The following BMP2K variants were observed in gnomAD, a reference collection of about 807,000 sequenced individuals.
The protein encoded by BMP2K is BMP2 inducible kinase, also known as BMP-2-inducible protein kinase.
Under a neutral mutation model 116.0 loss-of-function variants are expected in BMP2K, and 74 were observed. That is an observed-to-expected ratio of 0.64 (90% CI 0.53 to 0.77). BMP2K has a LOEUF of 0.77. BMP2K is among the 30% of genes least tolerant of loss of function. The probability of loss-of-function intolerance (pLI) is 0.00; values close to 1 mark genes in which losing one functional copy is unlikely to be tolerated. For missense variants in BMP2K, 1,365 were observed against 1,403.6 expected (o/e 0.97, Z 0.44); for synonymous variants, 486 against 502.5 (o/e 0.97, Z 0.44).
chr4:78,818,734 C>T (rs1484935941), intron 1 of BMP2K, among the ~76,000 whole-genome samples: 1 of 151,016 alleles, frequency 6.6e-6, no homozygotes, highest in Non-Finnish European at 1.5e-5. Flanking sequence ...TATTCATTTC[C>T]AGTCTTCTTT....
rs1324071835 is a variant in BMP2K at position 78,912,822 on chromosome 4, A to G, written c.*789A>G. ...GCCTAGAACAAAAATATGAAGAGAAATATCTGACATTTGTAAAGAAATTAT... is the reference window on the plus strand; with the variant it reads ...GCCTAGAACAAAAATATGAAGAGAAGTATCTGACATTTGTAAAGAAATTAT... On this transcript the variant is annotated 3_prime_UTR_variant, in exon 16 of 16. Coordinates refer to ENST00000502613, the MANE Select transcript of BMP2K (RefSeq NM_198892.2). 3 of 152,168 alleles carry G rather than the reference A, an allele frequency of 2.0e-5. No individual in the cohort carries two copies. The highest frequency in any genetic ancestry group is 7.2e-5 in the African/African-American group (3 of 41,450). The allele number at this position is 152,168 out of a possible 1,614,324, so 9.4% of individuals were successfully genotyped here.
At chr4:78,826,774 CT>C (rs200885121) in intron 2 of BMP2K, among the ~76,000 whole-genome samples, 5 of 149,578 alleles carry the variant, frequency 3.3e-5, no homozygotes, top group East Asian at 2.0e-4. Context: ...TGCTTTCTTT[CT>C]TTTTTTTTTC....
chr4:78,872,158 C>T (rs1317029291), intron 12 of BMP2K, among the ~76,000 whole-genome samples: 2 of 152,088 alleles, frequency 1.3e-5, no homozygotes, highest in African/African-American at 2.4e-5. Flanking sequence ...TGACCGATAA[C>T]GTACTTCTCT....
At chr4:78,838,195 G>A (rs978957340) in intron 3 of BMP2K, among the ~76,000 whole-genome samples, 9 of 152,132 alleles carry the variant, frequency 5.9e-5, no homozygotes, top group East Asian at 1.9e-4. Flanking sequence ...TAAAACCATC[G>A]GATGTCGTGA....
intron 5 of BMP2K, among the ~76,000 whole-genome samples, chr4:78,846,211 C>T (rs570983882): frequency 6.6e-6 from 1 of 151,518 alleles, no homozygotes; most frequent in African/African-American, 2.4e-5. Context: ...TCCTTTGTGG[C>T]TCAATTAATG....
rs192051053 is a variant in BMP2K at position 78,893,272 on chromosome 4, G to A, written c.2062+5988G>A. ...TCTGTTCCAGTTTGATTACGAGACT[G>A]CAACAATTCAGTCACATTTTTAGGT... On this transcript the variant is annotated intron_variant, in intron 15 of 15. Transcript: ENST00000502613. 2.6e-3 allele frequency among the ~76,000 whole-genome samples: 393 copies of A among 152,282 alleles called. 1 individual carries two copies. Among genetic ancestry groups the A allele is most frequent in the Non-Finnish European group, 4.4e-3 (302 of 68,022 alleles).
At chr4:78,862,607 G>C (rs1731850101) in intron 9 of BMP2K, among the ~76,000 whole-genome samples, 1 of 152,180 alleles carries the variant, frequency 6.6e-6, no homozygotes, top group East Asian at 1.9e-4. Flanking sequence ...ATCATGCTGA[G>C]AAATTTGGAC....
At chr4:78,796,992 T>C (rs2109946698) in intron 1 of BMP2K, among the ~76,000 whole-genome samples, 1 of 152,308 alleles carries the variant, frequency 6.6e-6, no homozygotes, top group South Asian at 2.1e-4. Context: ...TTCAGCTTTA[T>C]GCATGGGAGT....
At position 78,818,229 on chromosome 4, in the gene BMP2K, CTTTGGATATATA is replaced by C. The variant is rs534493654; in HGVS notation, c.179-7807_179-7796del. Among the ~76,000 whole-genome samples the C allele has an allele frequency of 4.1e-3, 619 of 152,292 alleles. 4 individuals are homozygous for C. The highest frequency in any genetic ancestry group is 6.7e-3 in the Non-Finnish European group (454 of 68,024). On this transcript the variant is annotated intron_variant, in intron 1 of 15. Transcript: ENST00000502613. ...TGGTGGTTTGCTGCACCCATCAACC[CTTTGGATATATA>C]CCCATCATAATGCCTATAATCCTTC... is the stretch of plus-strand genomic sequence containing the variant.
rs183382608 is a variant in BMP2K at position 78,864,225 on chromosome 4, C to T, written c.1068-1332C>T. Among the ~76,000 whole-genome samples the T allele has an allele frequency of 1.2e-4, 19 of 152,064 alleles. No homozygotes were observed. In the East Asian group the frequency reaches 1.5e-3, roughly 12 times the overall value. ...AACATCAGGTCTGGCCTGTACTAGC[C>T]GTTTAATACAGAATGGATAGTTAAA... On this transcript the variant is annotated intron_variant, in intron 9 of 15. Coordinates refer to ENST00000502613, the MANE Select transcript of BMP2K (RefSeq NM_198892.2).
At chr4:78,856,283 C>T (rs1240551734) in intron 7 of BMP2K, among the ~76,000 whole-genome samples, 3 of 152,014 alleles carry the variant, frequency 2.0e-5, no homozygotes, top group Admixed American at 2.0e-4. Flanking sequence ...CTCCTAAGCC[C>T]AAGCCATCCT....
Position 78,915,753 on chromosome 4 carries a change from C to T in BMP2K, c.*3720C>T, listed in dbSNP as rs1467254332. ...CACTCCTAGTGAGGGTTTACAAAAGCTACTAAGAGAATAAGGTAGATGATA... is the reference window on the plus strand; with the variant it reads ...CACTCCTAGTGAGGGTTTACAAAAGTTACTAAGAGAATAAGGTAGATGATA... On this transcript the variant is annotated 3_prime_UTR_variant, in exon 16 of 16. Coordinates refer to ENST00000502613, the MANE Select transcript of BMP2K (RefSeq NM_198892.2). 1 of 152,002 alleles carries T rather than the reference C, an allele frequency of 6.6e-6. No homozygotes were observed. The highest frequency in any genetic ancestry group is 2.4e-5 in the African/African-American group (1 of 41,516). The allele number at this position is 152,002 out of a possible 1,614,324, so 9.4% of individuals were successfully genotyped here. A position where few individuals can be genotyped will look rare whatever the true frequency, so the allele number is the denominator to read the frequency against.
intron 1 of BMP2K, among the ~76,000 whole-genome samples, chr4:78,812,659 C>G (rs151205605): frequency 0.017 from 2,609 of 152,344 alleles, 43 homozygotes; most frequent in Non-Finnish European, 0.024. Flanking sequence ...CAACCCACTG[C>G]ATATGAAGGT....
chr4:78,814,519 G>C (rs1729237628), intron 1 of BMP2K, among the ~76,000 whole-genome samples: 2 of 152,188 alleles, frequency 1.3e-5, no homozygotes, highest in South Asian at 2.1e-4. Flanking sequence ...TCTCATGATA[G>C]TGAGTGAGTT....
intron 2 of BMP2K, among the ~76,000 whole-genome samples, chr4:78,831,160 G>A (rs1235655319): frequency 6.6e-6 from 1 of 152,176 alleles, no homozygotes; most frequent in African/African-American, 2.4e-5. Context: ...ACGGCTAGCC[G>A]GTGGAACAGT....
intron 2 of BMP2K, among the ~76,000 whole-genome samples, chr4:78,830,009 G>A (rs974322355): frequency 2.6e-5 from 4 of 151,824 alleles, no homozygotes; most frequent in African/African-American, 9.7e-5. Flanking sequence ...CGAGGAGCTG[G>A]GACTATAGGC....
At chr4:78,816,790 AATTC>A (rs1419037426) in intron 1 of BMP2K, among the ~76,000 whole-genome samples, 1 of 152,230 alleles carries the variant, frequency 6.6e-6, no homozygotes, top group Non-Finnish European at 1.5e-5. Flanking sequence ...GCGCTTGGTT[AATTC>A]ATAGGTAACT....
intron 15 of BMP2K, among the ~76,000 whole-genome samples, chr4:78,908,015 ATAAAT>A (rs1734375252): frequency 6.6e-6 from 1 of 152,204 alleles, no homozygotes; most frequent in Non-Finnish European, 1.5e-5. Flanking sequence ...ATTCATAAAA[ATAAAT>A]TCACTAAAAT....
At chr4:78,791,636 A>G (rs1387622747) in intron 1 of BMP2K, among the ~76,000 whole-genome samples, 1 of 152,142 alleles carries the variant, frequency 6.6e-6, no homozygotes, top group African/African-American at 2.4e-5. Flanking sequence ...CCTGATAACC[A>G]TGATTTACTT....
Sources: gnomAD v4.1 joint callset for allele counts (sites outside exome capture counted in the v4.1 genomes callset) on GRCh38, gnomAD v4.1.1 for gene constraint, MANE v1.5 for transcripts, NCBI Gene and HGNC (gene_info 2026-07-23, HGNC 2026-07-21) for gene names.